Variants in PROKR1 observed in about 807,000 individuals in gnomAD.
PROKR1 encodes G protein-coupled receptor 73.
Under a neutral mutation model 22.8 loss-of-function variants are expected in PROKR1, and 21 were observed. That is an observed-to-expected ratio of 0.92 (90% CI 0.65 to 1.32). PROKR1 has a LOEUF of 1.32. Among genes scored for constraint, PROKR1 ranks in the 40% most tolerant of loss-of-function variants. The pLI, the probability that PROKR1 is intolerant of heterozygous loss-of-function variation, is 0.00. For synonymous variants in PROKR1, 193 were observed against 207.5 expected (o/e 0.93, Z 0.60); for missense variants, 548 against 514.2 (o/e 1.07, Z -0.64).
chr2:68,653,092 C>T (rs1164232363), intron 2 of PROKR1, among the ~76,000 whole-genome samples: 1 of 152,196 alleles, frequency 6.6e-6, no homozygotes, highest in Non-Finnish European at 1.5e-5. Context: ...CTTAACTCTC[C>T]ATTTTCATTG....
intron 2 of PROKR1, 139 bp downstream of exon 2, chr2:68,646,445 A>T: frequency 1.5e-6 from 2 of 1,292,894 alleles, no homozygotes; most frequent in East Asian, 2.4e-5. Context: ...GGGACTCAAA[A>T]GCTTGCCCAT....
Position 68,655,124 on chromosome 2 carries a change from C to T in PROKR1, c.730C>T (p.Pro244Ser), listed in dbSNP as rs568864339. 1.9e-6 allele frequency: 3 copies of T among 1,614,186 alleles called. No homozygotes were observed. In the Admixed American group the frequency reaches 5.0e-5, roughly 27 times the overall value. ...LFIFGIEFVG[P>S]VVTMTLCYAR... is the part of the protein sequence containing the mutation. ...TATCTTTGGCATAGAATTCGTGGGC[C>T]CCGTGGTCACCATGACCCTGTGCTA... The change falls in exon 3 of 3, where the codon CCC (proline) becomes TCC (serine). Residue 244 changes from proline (P) to serine (S), a missense_variant. Transcript: ENST00000303786.
chr2:68,643,951 A>G (rs968312059), intron 1 of PROKR1, 103 bp downstream of exon 1: 2 of 152,374 alleles, frequency 1.3e-5, no homozygotes, highest in Non-Finnish European at 2.9e-5. Context: ...GGACTTTGCC[A>G]GGGATTCACT....
rs770079576 is a variant in PROKR1 at position 68,645,832 on chromosome 2, C to A, written c.11C>A (p.Thr4Asn). METTMGFMDDNATN... is the reference protein window; with the variant it reads METNMGFMDDNATN... ...GCACCACCTGGCCAGATGGAGACCA[C>A]CATGGGGTTCATGGATGACAATGCC... Residue 4 changes from threonine to asparagine, a missense_variant, in exon 2 of 3, where the codon ACC (threonine) becomes AAC (asparagine). By Grantham distance (65) the Thr-to-Asn change is moderately conservative. Transcript: ENST00000303786. 1 of 1,614,188 alleles carries A rather than the reference C, an allele frequency of 6.2e-7. No individual in the cohort carries two copies. The highest frequency in any genetic ancestry group is 8.5e-7 in the Non-Finnish European group (1 of 1,180,030).
chr2:68,647,604 G>A (rs1330152736), intron 2 of PROKR1, among the ~76,000 whole-genome samples: 1 of 152,080 alleles, frequency 6.6e-6, no homozygotes, highest in Non-Finnish European at 1.5e-5. Context: ...ACCAGGGGTG[G>A]GATGACCGAA....
chr2:68,655,685 G>A lies in PROKR1; in HGVS notation c.*109G>A, dbSNP rs867291282. The A allele has an allele frequency of 1.9e-6, 2 of 1,026,370 alleles. No individual in the cohort carries two copies. The highest frequency in any genetic ancestry group is 2.9e-6 in the Non-Finnish European group (2 of 681,410). 63.6% of individuals were successfully genotyped at this position (1,026,370 alleles called of 1,614,324 possible). A position where few individuals can be genotyped will look rare whatever the true frequency, so the allele number is the denominator to read the frequency against. ...CTTTTTGTTTGCTGCAGAGGGTAAA[G>A]TAAATGGACCACTCTGTGAGCAATG... On this transcript the variant is annotated 3_prime_UTR_variant, in exon 3 of 3. Coordinates refer to ENST00000303786, the MANE Select transcript of PROKR1 (RefSeq NM_138964.4).
Position 68,655,056 on chromosome 2 carries a change from G to A in PROKR1, c.662G>A (p.Trp221Ter). The A allele has an allele frequency of 6.2e-7, 1 of 1,613,528 alleles. No homozygotes were observed. The highest frequency in any genetic ancestry group is 8.5e-7 in the Non-Finnish European group (1 of 1,179,962). Residue 221 changes from tryptophan (W) to a stop codon, truncating the protein, a stop_gained, in exon 3 of 3, where the codon TGG (tryptophan) becomes TAG (stop). Transcript: ENST00000303786. LOFTEE classifies it high-confidence loss of function. The stretch of plus-strand genomic sequence containing the variant: ...GAAAAGATCTTCTGCGGCCAGATCT[G>A]GCCTGTGGACCAGCAGCTCTACTAC... ...SQEKIFCGQI[W>*]PVDQQLYYKS...
At position 68,658,190 on chromosome 2, in the gene PROKR1, G is replaced by A. The variant is rs1327850558; in HGVS notation, c.*2614G>A. ...AATATTAGTGTCTGCTTGTAATTTT[G>A]TAGTGAATGAGGGTGTTGTGTTGTT... On this transcript the variant is annotated 3_prime_UTR_variant, in exon 3 of 3. Transcript: ENST00000303786. 2 of 152,258 alleles carry A rather than the reference G, an allele frequency of 1.3e-5. No homozygotes were observed. The highest frequency in any genetic ancestry group is 6.5e-5 in the Admixed American group (1 of 15,304). The allele number at this position is 152,258 out of a possible 1,614,324, so 9.4% of individuals were successfully genotyped here. A position where few individuals can be genotyped will look rare whatever the true frequency, so the allele number is the denominator to read the frequency against.
At chr2:68,649,930 T>C (rs1437403634) in intron 2 of PROKR1, among the ~76,000 whole-genome samples, 1 of 152,006 alleles carries the variant, frequency 6.6e-6, no homozygotes, top group Non-Finnish European at 1.5e-5. Context: ...AAATTAATCT[T>C]CTGTCTTGTA....
chr2:68,654,696 G>A (rs1323478274), intron 2 of PROKR1, among the ~76,000 whole-genome samples, 184 bp from the exon 3 acceptor site: 1 of 151,946 alleles, frequency 6.6e-6, no homozygotes, highest in African/African-American at 2.4e-5. Flanking sequence ...TACTTGGGAG[G>A]CTGAGGTGGG....
At chr2:68,646,923 C>T (rs1457605843) in intron 2 of PROKR1, among the ~76,000 whole-genome samples, 1 of 152,044 alleles carries the variant, frequency 6.6e-6, no homozygotes, top group Non-Finnish European at 1.5e-5. Context: ...TGGTGTGTGC[C>T]TGTAGTCCTA....
chr2:68,654,694 A>T (rs1242317444), intron 2 of PROKR1, among the ~76,000 whole-genome samples, 186 bp from the exon 3 acceptor site: 1 of 151,298 alleles, frequency 6.6e-6, no homozygotes, highest in African/African-American at 2.4e-5. Flanking sequence ...GCTACTTGGG[A>T]GGCTGAGGTG....
rs555259163 is a variant in PROKR1, at chr2:68,645,865, C to G, written c.44C>G (p.Thr15Ser). Reference sequence around the variant, plus strand: ...TTCATGGATGACAATGCCACCAACACTTCCACCAGCTTCCTTTCTGTGCTC... The same window carrying G: ...TTCATGGATGACAATGCCACCAACAGTTCCACCAGCTTCCTTTCTGTGCTC... ...MGFMDDNATN[T>S]STSFLSVLNP... The change falls in exon 2 of 3, where the codon ACT (threonine) becomes AGT (serine). Residue 15 changes from threonine (T) to serine (S), a missense_variant. Transcript: ENST00000303786. 1 of 1,614,236 alleles carries G rather than the reference C, an allele frequency of 6.2e-7. No individual in the cohort carries two copies. Among genetic ancestry groups the G allele is most frequent in the South Asian group, 1.1e-5 (1 of 91,088 alleles).
chr2:68,645,553 A>G (rs983341736), intron 1 of PROKR1, 109 bp from the exon 2 acceptor site: 1 of 551,878 alleles, frequency 1.8e-6, no homozygotes. Flanking sequence ...CCATCACCCT[A>G]TGTTCACTCT....
chr2:68,657,062 C>G lies in PROKR1; in HGVS notation c.*1486C>G, dbSNP rs1673485641. The G allele has an allele frequency of 6.6e-6, 1 of 152,258 alleles. No individual in the cohort carries two copies. The highest frequency in any genetic ancestry group is 1.5e-5 in the Non-Finnish European group (1 of 68,090). The allele number at this position is 152,258 out of a possible 1,614,324, so 9.4% of individuals were successfully genotyped here. ...GTTTGGTATTTTGGAGTTGGAAGATCTGAGAGCCAGACTTGACTCTGTCAA... is the reference window on the plus strand; with the variant it reads ...GTTTGGTATTTTGGAGTTGGAAGATGTGAGAGCCAGACTTGACTCTGTCAA... On this transcript the variant is annotated 3_prime_UTR_variant, in exon 3 of 3. Coordinates refer to ENST00000303786, the MANE Select transcript of PROKR1 (RefSeq NM_138964.4).
At chr2:68,651,773 G>T (rs1296766543) in intron 2 of PROKR1, among the ~76,000 whole-genome samples, 1 of 152,166 alleles carries the variant, frequency 6.6e-6, no homozygotes, top group African/African-American at 2.4e-5. Context: ...TTCTTTTCCA[G>T]CCCATTATTA....
chr2:68,646,037 C>G lies in PROKR1; in HGVS notation c.216C>G (p.Ile72Met). 6.2e-7 allele frequency: 1 copy of G among 1,614,276 alleles called. No individual in the cohort carries two copies. The change falls in exon 2 of 3, where the codon ATC becomes ATG. Residue 72 changes from isoleucine (I) to methionine (M), a missense_variant. Transcript: ENST00000303786. ...KIVIGMALVG[I>M]MLVCGIGNFI... is the part of the protein sequence containing the mutation. ...TCATTGGGATGGCCCTGGTGGGCATCATGCTGGTCTGCGGCATTGGAAACT... is the reference window on the plus strand; with the variant it reads ...TCATTGGGATGGCCCTGGTGGGCATGATGCTGGTCTGCGGCATTGGAAACT...
rs757217584 is a variant in PROKR1 at position 68,655,546 on chromosome 2, C to T, written c.1152C>T (p.Thr384=). Residue 384 remains threonine, a synonymous_variant, in exon 3 of 3, where the codon ACC becomes ACT. Coordinates refer to ENST00000303786, the MANE Select transcript of PROKR1 (RefSeq NM_138964.4). The part of the protein sequence containing the change: ...LDLKTIGMPA[T]EEVDCIRLK ...TCAAGACAATTGGGATGCCTGCCACCGAAGAGGTGGACTGCATCAGACTAA... is the reference window on the plus strand; with the variant it reads ...TCAAGACAATTGGGATGCCTGCCACTGAAGAGGTGGACTGCATCAGACTAA... 13 of 1,614,048 alleles carry T rather than the reference C, an allele frequency of 8.1e-6. No individual in the cohort carries two copies. In the South Asian group the frequency reaches 8.8e-5, roughly 11 times the overall value.
chr2:68,658,226 A>G lies in PROKR1; in HGVS notation c.*2650A>G, dbSNP rs2104199173. On this transcript the variant is annotated 3_prime_UTR_variant, in exon 3 of 3. Coordinates refer to ENST00000303786, the MANE Select transcript of PROKR1 (RefSeq NM_138964.4). Reference sequence around the variant, plus strand: ...GGGTGTTGTGTTGTTATCAAGTGAAATGAAAATACTTGGATATACAGAAAA... The same window carrying G: ...GGGTGTTGTGTTGTTATCAAGTGAAGTGAAAATACTTGGATATACAGAAAA... 6.6e-6 allele frequency: 1 copy of G among 152,324 alleles called. No individual in the cohort carries two copies. The highest frequency in any genetic ancestry group is 2.1e-4 in the South Asian group (1 of 4,830). 9.4% of individuals were successfully genotyped at this position (152,324 alleles called of 1,614,324 possible). A position where few individuals can be genotyped will look rare whatever the true frequency, so the allele number is the denominator to read the frequency against.
Sources: allele counts gnomAD v4.1 joint callset (sites outside exome capture counted in the v4.1 genomes callset), GRCh38; gene constraint gnomAD v4.1.1; transcripts MANE v1.5; gene names NCBI Gene and HGNC (gene_info 2026-07-23, HGNC 2026-07-21).